CEP295: variants seen among roughly 807,000 people sequenced by gnomAD.
The protein encoded by CEP295 is centrosomal protein of 295 kDa.
Under a neutral mutation model 291.6 loss-of-function variants are expected in CEP295, and 190 were observed. The observed-to-expected ratio is 0.65, with a 90% CI of 0.58 to 0.73. CEP295 has a LOEUF of 0.73. Ranked by LOEUF, CEP295 falls within the 30% of genes least tolerant of loss-of-function variation. CEP295 has a pLI of 0.00. For missense variants in CEP295, 2,863 were observed against 2,949.4 expected (o/e 0.97, Z 0.68); for synonymous variants, 993 against 1,038.8 (o/e 0.96, Z 0.85).
At chr11:93,662,373 C>A (rs1209168864) in intron 1 of CEP295, among the ~76,000 whole-genome samples, 5 of 152,066 alleles carry the variant, frequency 3.3e-5, no homozygotes, top group African/African-American at 1.2e-4. Context: ...AAAACGAAAC[C>A]AAAGTGACTT....
intron 18 of CEP295, among the ~76,000 whole-genome samples, chr11:93,712,172 T>G (rs1039760041): frequency 8.5e-5 from 13 of 152,284 alleles, no homozygotes; most frequent in Non-Finnish European, 1.6e-4. Flanking sequence ...TTACATCCTC[T>G]TGCTGAATTA....
rs115417308 is a variant in CEP295, at chr11:93,716,531, T to C, written c.5750-4781T>C. 8.0e-3 allele frequency among the ~76,000 whole-genome samples: 1,215 copies of C among 152,330 alleles called. 22 individuals carry two copies. Among genetic ancestry groups the C allele is most frequent in the East Asian group, 0.052 (272 of 5,184 alleles). ...TAATCAGGAGGACCAGGGAGAGACC[T>C]TGGGGTGTATACAGGAGGGTATCTT... On this transcript the variant is annotated intron_variant, in intron 18 of 29. Transcript: ENST00000325212.
Position 93,702,802 on chromosome 11 carries a change from AG to A in CEP295, c.5480del (p.Arg1827LysfsTer8). On this transcript the variant is annotated frameshift_variant, in exon 17 of 30. Coordinates refer to ENST00000325212, the MANE Select transcript of CEP295 (RefSeq NM_033395.2). LOFTEE classifies it high-confidence loss of function. ...TGAGCATCTGGAGAAAGATCTGGGG[AG>A]AAGATCCTCAAAGCCACCTGTAGCA... ...SGEHLEKDLGRRSSKPPVAKV... is the reference protein window; with the variant it reads ...SGEHLEKDLGXRSSKPPVAKV... The A allele has an allele frequency of 6.4e-7, 1 of 1,551,988 alleles. No homozygotes were observed. Among genetic ancestry groups the A allele is most frequent in the South Asian group, 1.2e-5 (1 of 84,064 alleles).
intron 7 of CEP295, among the ~76,000 whole-genome samples, chr11:93,682,556 C>T (rs777403957): frequency 7.3e-5 from 11 of 151,612 alleles, no homozygotes; most frequent in Non-Finnish European, 1.3e-4. Flanking sequence ...GATTTCTCTA[C>T]GTTATAGTAG....
intron 21 of CEP295, chr11:93,723,550 G>A (rs1953915490): frequency 3.8e-6 from 1 of 262,898 alleles, no homozygotes; most frequent in South Asian, 6.3e-5. Context: ...GGCTGAGGCG[G>A]TATTACTGAT....
In CEP295 at chr11:93,723,183, G is replaced by A; in HGVS notation, c.6090G>A (p.Leu2030=). ...ACTCTTCAGACGTTCATAAATCTCT[G>A]TTGCCTGCAGTGGATGAAACTACAT... ...RQNSSDVHKS[L]LPAVDETTCG... is the part of the protein sequence containing the mutation. Residue 2030 remains leucine (L), a synonymous_variant, in exon 21 of 30, where the codon CTG becomes CTA. Transcript: ENST00000325212. 6.4e-7 allele frequency: 1 copy of A among 1,552,016 alleles called. No individual in the cohort carries two copies. The highest frequency in any genetic ancestry group is 8.7e-7 in the Non-Finnish European group (1 of 1,147,046).
chr11:93,693,990 C>T (rs891731090), intron 12 of CEP295, among the ~76,000 whole-genome samples: 1 of 152,092 alleles, frequency 6.6e-6, no homozygotes, highest in Non-Finnish European at 1.5e-5. Context: ...ATGGACAGTA[C>T]AGTTGTAGAT....
intron 18 of CEP295, among the ~76,000 whole-genome samples, chr11:93,719,274 GT>G (rs1953514817): frequency 1.4e-5 from 1 of 71,022 alleles, no homozygotes; most frequent in Non-Finnish European, 2.9e-5. Context: ...GTTTTTTTTT[GT>G]TTTGTTTCAA....
intron 25 of CEP295, 42 bp downstream of exon 25, chr11:93,728,863 A>T: frequency 3.3e-6 from 5 of 1,494,702 alleles, no homozygotes; most frequent in Middle Eastern, 2.1e-4. Context: ...ATTACAAGCA[A>T]ACCAGTTGAT....
intron 10 of CEP295, among the ~76,000 whole-genome samples, chr11:93,690,951 T>C (rs1951513919): frequency 6.6e-6 from 1 of 152,202 alleles, no homozygotes; most frequent in Non-Finnish European, 1.5e-5. Context: ...TTTACCTGGC[T>C]GGTTCTTCCT....
intron 7 of CEP295, among the ~76,000 whole-genome samples, chr11:93,682,745 G>A (rs935845063): frequency 6.6e-6 from 1 of 152,076 alleles, no homozygotes; most frequent in East Asian, 1.9e-4. Context: ...TGCTTCTCCA[G>A]TTTTATCTTC....
chr11:93,713,782 C>T (rs1054732740), intron 18 of CEP295, among the ~76,000 whole-genome samples: 1 of 152,082 alleles, frequency 6.6e-6, no homozygotes, highest in Non-Finnish European at 1.5e-5. Context: ...CTCTTTAAGG[C>T]CAGTAGCTCA....
intron 18 of CEP295, among the ~76,000 whole-genome samples, chr11:93,716,182 T>C (rs960610054): frequency 2.0e-5 from 3 of 152,006 alleles, no homozygotes; most frequent in African/African-American, 7.2e-5. Flanking sequence ...ACTGCTAGAG[T>C]GGATACTTCC....
At chr11:93,721,644 AAAC>A (rs1186734934) in intron 19 of CEP295, 1 of 739,736 alleles carries the variant, frequency 1.4e-6, no homozygotes, top group Non-Finnish European at 2.5e-6. Flanking sequence ...AAACAATGTA[AAAC>A]AATAAGGGCA....
Position 93,698,601 on chromosome 11 carries a change from C to T in CEP295, c.3689C>T (p.Pro1230Leu). Residue 1230 changes from proline to leucine, a missense_variant, in exon 15 of 30, where the codon CCC becomes CTC. Physicochemically the swap from Pro to Leu is moderately conservative, Grantham distance 98. Around this residue, in one of 3 missense-constraint regions of CEP295, gnomAD observed 2,295 missense variants for 2,335.7 expected, o/e 0.98. Transcript: ENST00000325212. Reference protein sequence around the residue: ...CISIKSDSTIPLSHPKIPRCQ... With the variant: ...CISIKSDSTILLSHPKIPRCQ... The stretch of plus-strand genomic sequence containing the variant: ...TCAATCAAGAGTGACAGTACCATTC[C>T]CTTAAGCCATCCTAAGATCCCAAGA... The T allele has an allele frequency of 7.7e-6, 12 of 1,551,814 alleles. No homozygotes were observed. The highest frequency in any genetic ancestry group is 1.0e-5 in the Non-Finnish European group (12 of 1,147,098).
chr11:93,685,020 T>C (rs948502516), intron 9 of CEP295, among the ~76,000 whole-genome samples: 1 of 152,246 alleles, frequency 6.6e-6, no homozygotes, highest in African/African-American at 2.4e-5. Context: ...ACTGCATGTC[T>C]AGCAATAAAT....
At chr11:93,716,950 G>A (rs934989653) in intron 18 of CEP295, among the ~76,000 whole-genome samples, 1 of 152,168 alleles carries the variant, frequency 6.6e-6, no homozygotes, top group African/African-American at 2.4e-5. Flanking sequence ...ACAGAGAACA[G>A]GAATCTATAA....
Position 93,729,976 on chromosome 11 carries a change from TTAA to T in CEP295, c.7667+9_7667+11del, listed in dbSNP as rs762047004. 36 of 1,499,326 alleles carry T rather than the reference TTAA, an allele frequency of 2.4e-5. No individual in the cohort carries two copies. In the African/African-American group the frequency reaches 4.5e-4, roughly 19 times the overall value. The allele number at this position is 1,499,326 out of a possible 1,614,324, so 92.9% of individuals were successfully genotyped here. On this transcript the variant is annotated splice_region_variant and intron_variant, in intron 28 of 29. Transcript: ENST00000325212. ...GGCACCAAAGGGGTCTAAGGTAGGG[TTAA>T]TTTTTTTTTTTTTTTTAGTGATTCA... is the stretch of plus-strand genomic sequence containing the variant.
At chr11:93,683,935 G>C in intron 8 of CEP295, 29 bp from the exon 9 acceptor site, 1 of 1,533,928 alleles carries the variant, frequency 6.5e-7, no homozygotes, top group South Asian at 1.2e-5. Context: ...TTTTGGAATG[G>C]AAACGTGTCT....
Sources: gnomAD v4.1 joint callset for allele counts (sites outside exome capture counted in the v4.1 genomes callset) on GRCh38, gnomAD v4.1.1 for gene constraint, gnomAD v4.1.1 regional missense constraint, MANE v1.5 for transcripts, NCBI Gene and HGNC (gene_info 2026-07-23, HGNC 2026-07-21) for gene names.